POLA2: variants seen among roughly 807,000 people sequenced by gnomAD.
The protein encoded by POLA2 is DNA polymerase alpha subunit B.
Under a neutral mutation model 82.8 loss-of-function variants are expected in POLA2, and 47 were observed. That is an observed-to-expected ratio of 0.57 (90% CI 0.45 to 0.72). The LOEUF is 0.72. Ranked by LOEUF, POLA2 falls within the 30% of genes least tolerant of loss-of-function variation. The pLI is 0.00. For synonymous variants in POLA2, 287 were observed against 286.8 expected, an observed-to-expected ratio of 1.00 and a Z score of -0.01; for missense variants, 634 against 728.1, an observed-to-expected ratio of 0.87 and a Z score of 1.49.
chr11:65,294,603 T>C lies in POLA2; in HGVS notation c.1411T>C (p.Leu471=). ...CTCCATAAACGGAGTGATCTTCGGC[T>C]TGACATCCACAGATCTGCTTTTCCA... The part of the protein sequence containing the change: ...SLSINGVIFG[L]TSTDLLFHLG... The change falls in exon 15 of 18, where the codon TTG becomes CTG. Residue 471 remains leucine, a synonymous_variant. Transcript: ENST00000265465. 3 of 1,614,174 alleles carry C rather than the reference T, an allele frequency of 1.9e-6. No homozygotes were observed. The highest frequency in any genetic ancestry group is 2.5e-6 in the Non-Finnish European group (3 of 1,180,014).
At position 65,262,349 on chromosome 11, in the gene POLA2, C is replaced by T; in HGVS notation, c.57C>T (p.Cys19=). Residue 19 remains cysteine, a synonymous_variant, in exon 1 of 18, where the codon TGC becomes TGT. Transcript: ENST00000265465. ...AGCTGCAGATCTTCGGCCTAGACTG[C>T]GAGGAGGCTCTAATTGAGAAATGTG... is the stretch of plus-strand genomic sequence containing the variant. ...AEELQIFGLD[C]EEALIEKLVE... is the part of the protein sequence containing the mutation. The T allele has an allele frequency of 6.2e-7, 1 of 1,613,706 alleles. No individual in the cohort carries two copies. The highest frequency in any genetic ancestry group is 8.5e-7 in the Non-Finnish European group (1 of 1,179,730).
intron 6 of POLA2, among the ~76,000 whole-genome samples, chr11:65,279,325 G>C (rs1296840626): frequency 6.6e-6 from 1 of 152,052 alleles, no homozygotes; most frequent in African/African-American, 2.4e-5. Context: ...TGTGCTATGG[G>C]GTCTCCTGTG....
intron 10 of POLA2, 122 bp downstream of exon 10, chr11:65,282,643 T>A: frequency 1.2e-6 from 1 of 815,262 alleles, no homozygotes; most frequent in South Asian, 1.4e-5. Flanking sequence ...GACCAAGCAG[T>A]GAGGGCGCCA....
intron 13 of POLA2, among the ~76,000 whole-genome samples, chr11:65,290,081 T>C (rs1234015842): frequency 1.3e-5 from 2 of 151,902 alleles, no homozygotes; most frequent in Non-Finnish European, 2.9e-5. Context: ...AAACTCTGTC[T>C]GTACTAAAAA....
At chr11:65,266,769 AT>A in intron 2 of POLA2, 63 bp downstream of exon 2, 1 of 1,557,342 alleles carries the variant, frequency 6.4e-7, no homozygotes, top group East Asian at 2.3e-5. Context: ...CAGGGGAGGC[AT>A]TGTGATATAT....
In POLA2 at chr11:65,295,962, T is replaced by G. The variant is rs1949806768; in HGVS notation, c.1619T>G (p.Ile540Ser). Residue 540 changes from isoleucine (I) to serine (S), a missense_variant, in exon 17 of 18, where the codon ATC (isoleucine) becomes AGC (serine). Coordinates refer to ENST00000265465, the MANE Select transcript of POLA2 (RefSeq NM_002689.4). ...CCTGTCACCCCAGATGTCCTCATCA[T>G]CCCGTCAGAGCTGAGGTACTTCGTG... ...QLPVTPDVLI[I>S]PSELRYFVKD... 6.2e-7 allele frequency: 1 copy of G among 1,613,972 alleles called. No individual in the cohort carries two copies. The highest frequency in any genetic ancestry group is 1.3e-5 in the African/African-American group (1 of 74,930).
At chr11:65,291,578 A>G (rs1949755897) in intron 13 of POLA2, among the ~76,000 whole-genome samples, 1 of 152,218 alleles carries the variant, frequency 6.6e-6, no homozygotes, top group African/African-American at 2.4e-5. Context: ...CTCAGGAGAT[A>G]GACCCCCAAA....
At position 65,268,715 on chromosome 11, in the gene POLA2, A is replaced by C. The variant is rs1290299596; in HGVS notation, c.340A>C (p.Thr114Pro). ...EEEEILLNSY[T>P]TPSKGSQKRA... ...AGAGGAAATCCTCTTGAACTCTTAC[A>C]CCACACCTTCAAAGGTAAGTAAACA... The change falls in exon 4 of 18, where the codon ACC becomes CCC. Residue 114 changes from threonine (T) to proline (P), a missense_variant. By Grantham distance (38) the Thr-to-Pro change is conservative. Transcript: ENST00000265465. 1 of 1,588,996 alleles carries C rather than the reference A, an allele frequency of 6.3e-7. No homozygotes were observed. The highest frequency in any genetic ancestry group is 1.4e-5 in the African/African-American group (1 of 73,652).
chr11:65,273,266 GCTGAGATCATGCCA>G (rs1361950924), intron 4 of POLA2, among the ~76,000 whole-genome samples: 3 of 152,222 alleles, frequency 2.0e-5, no homozygotes, highest in Non-Finnish European at 4.4e-5. Context: ...GTTACAGTGA[GCTGAGATCATGCCA>G]CTGCACACTC....
intron 10 of POLA2, 145 bp from the exon 11 acceptor site, chr11:65,287,571 G>C (rs1048867623): frequency 9.8e-6 from 6 of 614,688 alleles, no homozygotes; most frequent in Admixed American, 8.7e-5. Flanking sequence ...TGGACATGAG[G>C]TCTTCCTTAC....
chr11:65,269,070 A>G (rs1303367250), intron 4 of POLA2, among the ~76,000 whole-genome samples: 1 of 152,216 alleles, frequency 6.6e-6, no homozygotes, highest in Non-Finnish European at 1.5e-5. Context: ...AGGGTAGTGG[A>G]AAAGCATTGC....
At chr11:65,303,392 C>T (rs1590915522), downstream of POLA2, among the ~76,000 whole-genome samples, 2 of 150,272 alleles carry the variant, frequency 1.3e-5, no homozygotes, top group East Asian at 2.0e-4. Context: ...CACAGTGGCT[C>T]ATGCTTATAA....
At chr11:65,265,407 G>A (rs535501452) in intron 1 of POLA2, among the ~76,000 whole-genome samples, 115 of 152,154 alleles carry the variant, frequency 7.6e-4, no homozygotes, top group African/African-American at 2.5e-3. Context: ...AATTAGCACC[G>A]GCACTTGACA....
At position 65,298,162 on chromosome 11, in the gene POLA2, A is replaced by C. The variant is rs538334673; in HGVS notation, c.*893A>C. 3.3e-5 allele frequency: 5 copies of C among 152,498 alleles called. No individual in the cohort carries two copies. Among genetic ancestry groups the C allele is most frequent in the African/African-American group, 1.2e-4 (5 of 41,566 alleles). 9.4% of individuals were successfully genotyped at this position (152,498 alleles called of 1,614,324 possible). Reference sequence around the variant, plus strand: ...TGGGTGGGCCCTAGAGCTGGGCTGCAGAGCAAGCAACTGGCTGCATGCCTG... The same window carrying C: ...TGGGTGGGCCCTAGAGCTGGGCTGCCGAGCAAGCAACTGGCTGCATGCCTG... On this transcript the variant is annotated 3_prime_UTR_variant, in exon 18 of 18. Transcript: ENST00000265465.
chr11:65,285,241 T>C (rs1337518657), intron 10 of POLA2, among the ~76,000 whole-genome samples: 3 of 151,932 alleles, frequency 2.0e-5, no homozygotes, highest in Non-Finnish European at 4.4e-5. Flanking sequence ...CCATCTCCAC[T>C]AAAAAATACA....
At chr11:65,289,993 A>G in intron 13 of POLA2, 121 bp downstream of exon 13, 2 of 643,344 alleles carry the variant, frequency 3.1e-6, no homozygotes, top group East Asian at 2.9e-5. Context: ...TCACACCTGT[A>G]ATCCCAGCAC....
chr11:65,287,096 G>A (rs1949705147), intron 10 of POLA2, among the ~76,000 whole-genome samples: 1 of 152,168 alleles, frequency 6.6e-6, no homozygotes, highest in African/African-American at 2.4e-5. Flanking sequence ...CCTGCCCTTG[G>A]CTAGAGGAAG....
chr11:65,262,089 T>A lies in POLA2; in HGVS notation c.-204T>A. 1.8e-6 allele frequency: 1 copy of A among 556,244 alleles called. No homozygotes were observed. Among genetic ancestry groups the A allele is most frequent in the African/African-American group, 2.0e-5 (1 of 51,264 alleles). 34.5% of individuals were successfully genotyped at this position (556,244 alleles called of 1,614,324 possible). A position where few individuals can be genotyped will look rare whatever the true frequency, so the allele number is the denominator to read the frequency against. On this transcript the variant is annotated 5_prime_UTR_variant, in exon 1 of 18. Coordinates refer to ENST00000265465, the MANE Select transcript of POLA2 (RefSeq NM_002689.4). ...GCGTTTGGGAGCCACCCCTTCATTTTTTAAAAAAAGTATTTCTCTGTGACC... is the reference window on the plus strand; with the variant it reads ...GCGTTTGGGAGCCACCCCTTCATTTATTAAAAAAAGTATTTCTCTGTGACC...
In POLA2 at chr11:65,262,158, G is replaced by T; in HGVS notation, c.-135G>T. 1 of 676,524 alleles carries T rather than the reference G, an allele frequency of 1.5e-6. No individual in the cohort carries two copies. The highest frequency in any genetic ancestry group is 2.6e-6 in the Non-Finnish European group (1 of 379,216). 41.9% of individuals were successfully genotyped at this position (676,524 alleles called of 1,614,324 possible). On this transcript the variant is annotated 5_prime_UTR_variant, in exon 1 of 18. Transcript: ENST00000265465. ...ACGGTCTGAGGTCTTGCTTGGGCCA[G>T]TCACCTCCTGTCACGGTCCGCGGAG...
Sources: gnomAD v4.1 joint callset for allele counts (sites outside exome capture counted in the v4.1 genomes callset) on GRCh38, gnomAD v4.1.1 for gene constraint, MANE v1.5 for transcripts, NCBI Gene and HGNC (gene_info 2026-07-23, HGNC 2026-07-21) for gene names.